Variants in SPATS2L observed in about 807,000 individuals in gnomAD.
The protein encoded by SPATS2L is spermatogenesis associated serine rich 2 like, also known as SPATS2-like protein.
Under a neutral mutation model 59.6 loss-of-function variants are expected in SPATS2L, and 30 were observed. The observed-to-expected ratio is 0.50, with a 90% confidence interval of 0.38 to 0.68. SPATS2L has a LOEUF of 0.68. Ranked by LOEUF, SPATS2L falls within the 30% of genes least tolerant of loss-of-function variation. SPATS2L has a pLI of 0.00. For synonymous variants in SPATS2L, 252 were observed against 263.5 expected (o/e 0.96, Z 0.42); for missense variants, 615 against 700.0 (o/e 0.88, Z 1.37).
intron 1 of SPATS2L, among the ~76,000 whole-genome samples, chr2:200,316,348 T>C (rs2079378203): frequency 6.6e-6 from 1 of 152,242 alleles, no homozygotes; most frequent in Non-Finnish European, 1.5e-5. Context: ...GTAGGCATTT[T>C]GTATAAGATT....
chr2:200,474,449 G>A (rs1243111146), intron 12 of SPATS2L, among the ~76,000 whole-genome samples: 2 of 151,898 alleles, frequency 1.3e-5, no homozygotes, highest in Admixed American at 1.3e-4. Context: ...TGGGACTACA[G>A]GCACGTGCCA....
chr2:200,460,268 T>C (rs1459556687), intron 9 of SPATS2L, among the ~76,000 whole-genome samples: 1 of 152,226 alleles, frequency 6.6e-6, no homozygotes, highest in Non-Finnish European at 1.5e-5. Flanking sequence ...GTTTATCATA[T>C]TAAATTTTCC....
At chr2:200,419,723 T>TC (rs1187468500) in intron 6 of SPATS2L, among the ~76,000 whole-genome samples, 11 of 150,772 alleles carry the variant, frequency 7.3e-5, no homozygotes, top group Admixed American at 7.3e-4. Context: ...TTTTTTTTTT[T>TC]TTTTTTGAGT....
At chr2:200,395,147 A>G (rs1368824029) in intron 3 of SPATS2L, among the ~76,000 whole-genome samples, 1 of 152,240 alleles carries the variant, frequency 6.6e-6, no homozygotes, top group East Asian at 1.9e-4. Context: ...TGTGTAAAAT[A>G]TGTGGGTACC....
intron 10 of SPATS2L, among the ~76,000 whole-genome samples, chr2:200,468,347 T>TACACAC (rs141831238): frequency 0.033 from 3,631 of 110,144 alleles, 148 homozygotes; most frequent in Middle Eastern, 0.043. Context: ...CCCAGTATAC[T>TACACAC]ACACACACAC....
At chr2:200,444,018 T>C (rs1289599888) in intron 8 of SPATS2L, among the ~76,000 whole-genome samples, 1 of 152,162 alleles carries the variant, frequency 6.6e-6, no homozygotes, top group Admixed American at 6.5e-5. Flanking sequence ...CAGAAAGAAT[T>C]AGGGATTTGC....
chr2:200,449,051 G>A (rs2085260467), intron 8 of SPATS2L, among the ~76,000 whole-genome samples: 1 of 152,216 alleles, frequency 6.6e-6, no homozygotes, highest in Admixed American at 6.5e-5. Context: ...ATAACTTTGT[G>A]ACTAAGGCAA....
At chr2:200,369,464 T>G (rs1368401644) in intron 2 of SPATS2L, among the ~76,000 whole-genome samples, 1 of 151,638 alleles carries the variant, frequency 6.6e-6, no homozygotes, top group East Asian at 1.9e-4. Context: ...GCAGGGGCCA[T>G]AAAAGACCAT....
chr2:200,422,571 G>T (rs985436347), intron 6 of SPATS2L, among the ~76,000 whole-genome samples: 6 of 151,238 alleles, frequency 4.0e-5, no homozygotes, highest in African/African-American at 1.2e-4. Flanking sequence ...AAGAAGAAAT[G>T]ATGGTAATGG....
chr2:200,342,691 C>T (rs1174298651), intron 2 of SPATS2L, among the ~76,000 whole-genome samples: 2 of 152,228 alleles, frequency 1.3e-5, no homozygotes, highest in Non-Finnish European at 2.9e-5. Context: ...GGGACTGGTA[C>T]TGCATACCCA....
At chr2:200,416,536 T>C (rs2083067819) in intron 5 of SPATS2L, 108 bp downstream of exon 5, 1 of 488,928 alleles carries the variant, frequency 2.0e-6, no homozygotes, top group Admixed American at 4.2e-5. Context: ...AGTATGTTAA[T>C]ATATACACCC....
rs1029437071 is a variant in SPATS2L, at chr2:200,478,046, G to C, written c.*15G>C. 6.6e-7 allele frequency: 1 copy of C among 1,525,006 alleles called. No individual in the cohort carries two copies. Among genetic ancestry groups the C allele is most frequent in the Non-Finnish European group, 8.8e-7 (1 of 1,138,230 alleles). 94.5% of individuals were successfully genotyped at this position (1,525,006 alleles called of 1,614,324 possible). ...TGGTGGCCTGAGCTAGGAGGAAAAAGAGCAGTTTTCACTCAGTTTTGGTTC... is the reference window on the plus strand; with the variant it reads ...TGGTGGCCTGAGCTAGGAGGAAAAACAGCAGTTTTCACTCAGTTTTGGTTC... On this transcript the variant is annotated 3_prime_UTR_variant, in exon 13 of 13. Coordinates refer to ENST00000409140, the MANE Select transcript of SPATS2L (RefSeq NM_001100423.2).
At chr2:200,454,708 G>A (rs1019682958) in intron 8 of SPATS2L, among the ~76,000 whole-genome samples, 1 of 152,148 alleles carries the variant, frequency 6.6e-6, no homozygotes, top group African/African-American at 2.4e-5. Flanking sequence ...GAGAAGATGT[G>A]TTTTTAGAAG....
At chr2:200,339,222 G>A (rs1299198875) in intron 2 of SPATS2L, among the ~76,000 whole-genome samples, 1 of 152,162 alleles carries the variant, frequency 6.6e-6, no homozygotes, top group African/African-American at 2.4e-5. Flanking sequence ...AACTCAGCAA[G>A]CTGGAAGTAA....
intron 2 of SPATS2L, among the ~76,000 whole-genome samples, chr2:200,382,141 C>T (rs537997914): frequency 2.9e-4 from 44 of 152,164 alleles, no homozygotes; most frequent in African/African-American, 8.4e-4. Context: ...CTGCAACTTC[C>T]GCCCCACCTA....
chr2:200,388,622 CA>C (rs201285460), intron 2 of SPATS2L, among the ~76,000 whole-genome samples: 5 of 130,916 alleles, frequency 3.8e-5, no homozygotes, highest in East Asian at 2.3e-4. Flanking sequence ...GCCCCCCCCC[CA>C]CCCAGAAAAA....
intron 3 of SPATS2L, among the ~76,000 whole-genome samples, chr2:200,391,293 A>G (rs1273279720): frequency 6.6e-6 from 1 of 152,228 alleles, no homozygotes; most frequent in Non-Finnish European, 1.5e-5. Flanking sequence ...CATTACTTCA[A>G]ACTTACTGTA....
intron 8 of SPATS2L, among the ~76,000 whole-genome samples, chr2:200,453,945 C>T (rs895428961): frequency 2.0e-5 from 3 of 152,084 alleles, no homozygotes; most frequent in African/African-American, 7.2e-5. Flanking sequence ...TCCAGCAGTT[C>T]CCACCTTCTC....
rs1053724597 is a variant in SPATS2L at position 200,480,018 on chromosome 2, C to T, written c.*1987C>T. 1 of 328,330 alleles carries T rather than the reference C, an allele frequency of 3.0e-6. No homozygotes were observed. The highest frequency in any genetic ancestry group is 2.1e-5 in the African/African-American group (1 of 47,556). 20.3% of individuals were successfully genotyped at this position (328,330 alleles called of 1,614,324 possible). Reference sequence around the variant, plus strand: ...TCTGAGGCCCTGAATTCATATATTACAAGACGGAAGGATTTTGCACAGTTT... The same window carrying T: ...TCTGAGGCCCTGAATTCATATATTATAAGACGGAAGGATTTTGCACAGTTT... On this transcript the variant is annotated 3_prime_UTR_variant, in exon 13 of 13. Transcript: ENST00000409140.
Sources: gnomAD v4.1 joint callset for allele counts (sites outside exome capture counted in the v4.1 genomes callset) on GRCh38, gnomAD v4.1.1 for gene constraint, MANE v1.5 for transcripts, NCBI Gene and HGNC (gene_info 2026-07-23, HGNC 2026-07-21) for gene names.